The following ATF6 variants were observed in gnomAD, a reference collection of about 807,000 sequenced individuals.
ATF6 encodes the protein cyclic AMP-dependent transcription factor ATF-6 alpha.
In ATF6, 53 loss-of-function variants were observed where a neutral mutation model predicts 83.6. The ratio of observed to expected loss-of-function variants is 0.63; its 90% confidence interval spans 0.51 to 0.80. The LOEUF (loss-of-function observed/expected upper bound fraction) is 0.80, where lower values mean the gene tolerates loss of function less well. Among genes scored for constraint, ATF6 ranks in the 30% least tolerant of loss-of-function variants. The probability of loss-of-function intolerance (pLI) is 0.00; values close to 1 mark genes in which losing one functional copy is unlikely to be tolerated. For synonymous variants in ATF6, 288 were observed against 285.8 expected, an observed-to-expected ratio of 1.01 and a Z score of -0.08; for missense variants, 744 against 797.9, an observed-to-expected ratio of 0.93 and a Z score of 0.81.
At chr1:161,783,480 A>G (rs114606413) in intron 3 of ATF6, among the ~76,000 whole-genome samples, 1,982 of 152,302 alleles carry the variant, frequency 0.013, 49 homozygotes, top group African/African-American at 0.044. Flanking sequence ...TTTAAAAGAT[A>G]TGAACATTTT....
chr1:161,931,618 T>C (rs1688435753), intron 15 of ATF6, among the ~76,000 whole-genome samples: 1 of 152,156 alleles, frequency 6.6e-6, no homozygotes, highest in Non-Finnish European at 1.5e-5. Flanking sequence ...CATTCACCCC[T>C]TTCCCCACTC....
intron 14 of ATF6, among the ~76,000 whole-genome samples, chr1:161,898,061 C>T (rs1687711552): frequency 6.6e-6 from 1 of 151,958 alleles, no homozygotes; most frequent in African/African-American, 2.4e-5. Context: ...TTTTTTGACT[C>T]CTAGTAAATT....
At chr1:161,788,000 A>G (rs1448860287) in intron 4 of ATF6, among the ~76,000 whole-genome samples, 1 of 152,230 alleles carries the variant, frequency 6.6e-6, no homozygotes, top group Admixed American at 6.5e-5. Context: ...TGCATTCACT[A>G]CATTTTTACC....
chr1:161,901,706 T>C (rs887151608), intron 14 of ATF6, among the ~76,000 whole-genome samples: 91 of 152,166 alleles, frequency 6.0e-4, no homozygotes, highest in African/African-American at 2.1e-3. Context: ...CCTTTTCAAA[T>C]AATTGTGAAT....
chr1:161,820,486 C>T (rs1178981949), intron 8 of ATF6, among the ~76,000 whole-genome samples: 3 of 152,234 alleles, frequency 2.0e-5, no homozygotes, highest in Admixed American at 1.3e-4. Context: ...GGCGTGGTGG[C>T]TCACGCCTGT....
chr1:161,864,927 G>T (rs1296531926), intron 14 of ATF6, among the ~76,000 whole-genome samples: 1 of 152,142 alleles, frequency 6.6e-6, no homozygotes, highest in Non-Finnish European at 1.5e-5. Context: ...AAACCTGCTG[G>T]GTGTTAAAAT....
chr1:161,903,979 G>A (rs1290066004), intron 14 of ATF6, among the ~76,000 whole-genome samples: 1 of 151,964 alleles, frequency 6.6e-6, no homozygotes. Flanking sequence ...GAGGAATGTG[G>A]GTATTTATAT....
chr1:161,955,099 T>A (rs1045898159), intron 15 of ATF6, among the ~76,000 whole-genome samples: 7 of 152,216 alleles, frequency 4.6e-5, no homozygotes, highest in African/African-American at 1.7e-4. Flanking sequence ...TATTTTGTCA[T>A]AAAACCCATG....
intron 7 of ATF6, among the ~76,000 whole-genome samples, chr1:161,811,636 A>G (rs1229175467): frequency 6.6e-6 from 1 of 152,046 alleles, no homozygotes; most frequent in Admixed American, 6.5e-5. Context: ...CATTTTACCC[A>G]ATTTGCTTGC....
chr1:161,879,932 ATAAACT>A (rs756639323), intron 14 of ATF6, among the ~76,000 whole-genome samples: 2 of 152,104 alleles, frequency 1.3e-5, no homozygotes, highest in Non-Finnish European at 2.9e-5. Flanking sequence ...TTCAAAATAA[ATAAACT>A]TTAATTTTGT....
intron 15 of ATF6, among the ~76,000 whole-genome samples, chr1:161,958,196 T>C (rs1689006590): frequency 6.6e-6 from 1 of 152,122 alleles, no homozygotes; most frequent in South Asian, 2.1e-4. Context: ...TTATTAACCC[T>C]GGCAGTTGCT....
intron 14 of ATF6, among the ~76,000 whole-genome samples, chr1:161,875,395 T>A (rs1177645007): frequency 6.6e-6 from 1 of 151,854 alleles, no homozygotes; most frequent in East Asian, 1.9e-4. Context: ...TGTTACATCA[T>A]ACATTGGTCA....
chr1:161,905,263 GT>G (rs1181203021), intron 14 of ATF6, among the ~76,000 whole-genome samples: 1 of 152,120 alleles, frequency 6.6e-6, no homozygotes, highest in Non-Finnish European at 1.5e-5. Context: ...GGCATTTGAG[GT>G]AACTTTTGAG....
intron 9 of ATF6, among the ~76,000 whole-genome samples, chr1:161,826,897 TTG>T (rs1685913897): frequency 6.6e-6 from 1 of 152,084 alleles, no homozygotes; most frequent in Admixed American, 6.6e-5. Context: ...GTTTCATCAT[TTG>T]TGTTATTCAA....
intron 14 of ATF6, among the ~76,000 whole-genome samples, chr1:161,904,449 A>G (rs901351354): frequency 2.6e-5 from 4 of 152,036 alleles, no homozygotes; most frequent in Admixed American, 1.3e-4. Flanking sequence ...TTAGCTGGGC[A>G]TGGTGGCGGG....
intron 15 of ATF6, among the ~76,000 whole-genome samples, chr1:161,930,637 C>G (rs770280704): frequency 7.2e-5 from 11 of 151,972 alleles, no homozygotes; most frequent in Non-Finnish European, 1.5e-4. Context: ...TTAAAGTAAA[C>G]CAAATAAATA....
At chr1:161,801,948 G>A in intron 6 of ATF6, 104 bp from the exon 7 acceptor site, 1 of 982,824 alleles carries the variant, frequency 1.0e-6, no homozygotes, top group East Asian at 2.5e-5. Context: ...ATCCCTTGGT[G>A]TTGATCTTAC....
chr1:161,897,207 G>A (rs189602612), intron 14 of ATF6, among the ~76,000 whole-genome samples: 1 of 152,100 alleles, frequency 6.6e-6, no homozygotes, highest in Non-Finnish European at 1.5e-5. Flanking sequence ...GCTGAAGCGG[G>A]CGGCTTGCCT....
intron 14 of ATF6, among the ~76,000 whole-genome samples, chr1:161,871,541 T>C (rs1458257024): frequency 1.3e-5 from 2 of 151,542 alleles, no homozygotes; most frequent in African/African-American, 4.8e-5. Flanking sequence ...TAGCTTAAAG[T>C]TCTCATCAAA....
Sources: gnomAD v4.1 joint callset for allele counts (sites outside exome capture counted in the v4.1 genomes callset) on GRCh38, gnomAD v4.1.1 for gene constraint, MANE v1.5 for transcripts, NCBI Gene and HGNC (gene_info 2026-07-23, HGNC 2026-07-21) for gene names.